The following LRRC4C variants were observed in gnomAD, a reference collection of about 807,000 sequenced individuals.
LRRC4C encodes leucine-rich repeat-containing protein 4C.
A neutral mutation model predicts 33.6 loss-of-function variants in LRRC4C; 5 were observed. That is an observed-to-expected ratio of 0.15 (90% CI 0.08 to 0.31). LRRC4C has a LOEUF of 0.31. LRRC4C is among the 10% of genes least tolerant of loss of function. The pLI is 1.00. For synonymous variants in LRRC4C, 329 were observed against 302.0 expected (o/e 1.09, Z -0.93); for missense variants, 560 against 796.7 (o/e 0.70, Z 3.58).
At chr11:40,512,880 A>G (rs1276295255) in intron 3 of LRRC4C, among the ~76,000 whole-genome samples, 1 of 152,174 alleles carries the variant, frequency 6.6e-6, no homozygotes, top group Non-Finnish European at 1.5e-5. Context: ...AGATAGGCAT[A>G]CAAGACTAAG....
At chr11:40,233,623 A>G (rs1276990624) in intron 5 of LRRC4C, among the ~76,000 whole-genome samples, 1 of 152,210 alleles carries the variant, frequency 6.6e-6, no homozygotes, top group Non-Finnish European at 1.5e-5. Context: ...TCATACTTCA[A>G]TTGTTCTAAG....
chr11:40,978,779 G>T (rs958113712), intron 1 of LRRC4C, among the ~76,000 whole-genome samples: 10 of 151,584 alleles, frequency 6.6e-5, no homozygotes, highest in Non-Finnish European at 1.2e-4. Flanking sequence ...CCACAACCAT[G>T]CCCGGCTATT....
intron 2 of LRRC4C, among the ~76,000 whole-genome samples, chr11:40,710,241 G>A (rs766545290): frequency 6.6e-5 from 10 of 152,180 alleles, no homozygotes; most frequent in Admixed American, 1.3e-4. Flanking sequence ...TGTTGGCGAG[G>A]AGCTCGGATC....
At chr11:41,091,610 T>C (rs920668058) in intron 1 of LRRC4C, among the ~76,000 whole-genome samples, 5 of 152,120 alleles carry the variant, frequency 3.3e-5, no homozygotes, top group East Asian at 3.8e-4. Context: ...TAAAAAAGTA[T>C]ACCTTGACTA....
chr11:41,046,258 A>T (rs1027827999), intron 1 of LRRC4C, among the ~76,000 whole-genome samples: 10 of 152,144 alleles, frequency 6.6e-5, no homozygotes, highest in Non-Finnish European at 1.3e-4. Flanking sequence ...CAGCCATTCC[A>T]CAAGGTAAGT....
intron 1 of LRRC4C, among the ~76,000 whole-genome samples, chr11:41,048,346 C>A (rs1391745221): frequency 6.9e-6 from 1 of 144,070 alleles, no homozygotes; most frequent in Non-Finnish European, 1.5e-5. Context: ...CTCACTGCAA[C>A]CTCCGACTCC....
intron 1 of LRRC4C, among the ~76,000 whole-genome samples, chr11:41,319,992 AT>A (rs1950909841): frequency 6.6e-6 from 1 of 152,214 alleles, no homozygotes; most frequent in African/African-American, 2.4e-5. Flanking sequence ...GAGTAAAATC[AT>A]TTAAAAAAAA....
intron 2 of LRRC4C, among the ~76,000 whole-genome samples, chr11:40,671,690 A>ATGTG (rs10644064): frequency 0.92 from 137,658 of 149,120 alleles, 63,765 homozygotes; most frequent in African/African-American, 0.98. Context: ...GTATATATAT[A>ATGTG]TGTGTGTATA....
chr11:41,016,967 T>A (rs1263690885), intron 1 of LRRC4C, among the ~76,000 whole-genome samples: 1 of 152,186 alleles, frequency 6.6e-6, no homozygotes, highest in African/African-American at 2.4e-5. Flanking sequence ...ACAACTCGGA[T>A]AATTTTTTAG....
intron 6 of LRRC4C, among the ~76,000 whole-genome samples, chr11:40,120,788 G>A (rs908105656): frequency 6.6e-6 from 1 of 152,070 alleles, no homozygotes; most frequent in Non-Finnish European, 1.5e-5. Flanking sequence ...TAAAATGTGA[G>A]GCAGTAAAGG....
At chr11:40,468,441 C>T (rs1952761769) in intron 3 of LRRC4C, among the ~76,000 whole-genome samples, 3 of 152,166 alleles carry the variant, frequency 2.0e-5, no homozygotes, top group Admixed American at 1.3e-4. Context: ...GGAGAGTAAT[C>T]TACTTTTCTT....
At chr11:40,646,328 T>TA (rs35804128) in intron 3 of LRRC4C, among the ~76,000 whole-genome samples, 33 of 152,196 alleles carry the variant, frequency 2.2e-4, no homozygotes, top group Non-Finnish European at 2.5e-4. Context: ...GCAAAAAGTT[T>TA]AAAGCTCCTG....
At chr11:40,491,720 C>G (rs2861922) in intron 3 of LRRC4C, among the ~76,000 whole-genome samples, 18,856 of 152,124 alleles carry the variant, frequency 0.12, 1,343 homozygotes, top group African/African-American at 0.17. Flanking sequence ...AACGTGCTTC[C>G]TATTTAATAA....
intron 1 of LRRC4C, among the ~76,000 whole-genome samples, chr11:41,210,587 A>G (rs752455257): frequency 6.6e-6 from 1 of 152,124 alleles, no homozygotes; most frequent in Non-Finnish European, 1.5e-5. Flanking sequence ...CTTTGGTCAT[A>G]ATGGTTATTG....
At chr11:40,480,524 A>C (rs1036306405) in intron 3 of LRRC4C, among the ~76,000 whole-genome samples, 1 of 152,040 alleles carries the variant, frequency 6.6e-6, no homozygotes, top group Admixed American at 6.6e-5. Context: ...GTCAGGTACT[A>C]TGCTTATTAC....
At chr11:40,456,155 G>T (rs192067961) in intron 3 of LRRC4C, among the ~76,000 whole-genome samples, 2 of 152,070 alleles carry the variant, frequency 1.3e-5, no homozygotes, top group African/African-American at 4.8e-5. Context: ...CCTCTTTAGC[G>T]TATCAGTCCT....
At chr11:40,163,814 T>C (rs906754202) in intron 5 of LRRC4C, among the ~76,000 whole-genome samples, 30 of 151,990 alleles carry the variant, frequency 2.0e-4, no homozygotes, top group Non-Finnish European at 3.5e-4. Flanking sequence ...AACTTGCTTT[T>C]GCAAAAGCAA....
chr11:40,478,814 G>A (rs992218342), intron 3 of LRRC4C, among the ~76,000 whole-genome samples: 1 of 152,094 alleles, frequency 6.6e-6, no homozygotes, highest in African/African-American at 2.4e-5. Flanking sequence ...CTGTAATAAA[G>A]ATGTGCATCA....
At chr11:40,722,324 A>G (rs999392487) in intron 2 of LRRC4C, among the ~76,000 whole-genome samples, 6 of 152,166 alleles carry the variant, frequency 3.9e-5, no homozygotes, top group African/African-American at 1.4e-4. Context: ...CTGCACATGC[A>G]CTGAATATTA....
Sources: allele counts gnomAD v4.1 joint callset (sites outside exome capture counted in the v4.1 genomes callset), GRCh38; gene constraint gnomAD v4.1.1; transcripts MANE v1.5; gene names NCBI Gene and HGNC (gene_info 2026-07-23, HGNC 2026-07-21).